PCDHA2: variants seen among roughly 807,000 people sequenced by gnomAD.
The protein encoded by PCDHA2 is protocadherin alpha-2.
Under a neutral mutation model 66.0 loss-of-function variants are expected in PCDHA2, and 58 were observed. That is an observed-to-expected ratio of 0.88 (90% CI 0.71 to 1.09). The LOEUF is 1.09. Ranked by LOEUF, PCDHA2 falls within the 50% of genes least tolerant of loss-of-function variation. PCDHA2 has a pLI of 0.00. For synonymous variants in PCDHA2, 634 were observed against 554.0 expected (o/e 1.14, Z -2.03); for missense variants, 1,267 against 1,242.3 (o/e 1.02, Z -0.30).
chr5:140,997,100 T>G (rs1286807919), intron 3 of PCDHA2, among the ~76,000 whole-genome samples: 1 of 152,170 alleles, frequency 6.6e-6, no homozygotes, highest in Non-Finnish European at 1.5e-5. Flanking sequence ...AGAGTTCTCA[T>G]GCACTCCTGC....
intron 1 of PCDHA2, chr5:140,854,192 T>C: frequency 3.9e-6 from 2 of 506,570 alleles, no homozygotes; most frequent in Non-Finnish European, 5.1e-6. Flanking sequence ...GTTTAACTAC[T>C]CCCTACTTTT....
intron 1 of PCDHA2, chr5:140,823,498 G>T (rs2150126426): frequency 1.2e-6 from 2 of 1,613,304 alleles, no homozygotes; most frequent in Admixed American, 1.7e-5. Context: ...CACCGGCGGC[G>T]CAGTGAGCGA....
At chr5:140,882,174 C>A (rs868925922) in intron 1 of PCDHA2, 1 of 1,514,752 alleles carries the variant, frequency 6.6e-7, no homozygotes, top group Non-Finnish European at 8.8e-7. Flanking sequence ...CGAATCCTTC[C>A]GCACTAGGAA....
At chr5:140,954,938 GT>G (rs2095112203) in intron 1 of PCDHA2, among the ~76,000 whole-genome samples, 1 of 152,078 alleles carries the variant, frequency 6.6e-6, no homozygotes, top group Admixed American at 6.6e-5. Flanking sequence ...TTAATCTTGA[GT>G]TAATTTTTGT....
At chr5:140,969,139 C>T (rs1407003944) in intron 1 of PCDHA2, 5 of 1,614,064 alleles carry the variant, frequency 3.1e-6, no homozygotes, top group Non-Finnish European at 4.2e-6. Context: ...CCAAGACCTA[C>T]TGCTACAAGG....
intron 3 of PCDHA2, among the ~76,000 whole-genome samples, chr5:140,996,427 G>A (rs1479947811): frequency 6.6e-6 from 1 of 152,176 alleles, no homozygotes; most frequent in Non-Finnish European, 1.5e-5. Context: ...GAAAACTTTG[G>A]GAATAGTCAG....
intron 1 of PCDHA2, chr5:140,927,419 G>T (rs781883331): frequency 1.9e-6 from 3 of 1,614,140 alleles, no homozygotes; most frequent in South Asian, 2.2e-5. Flanking sequence ...ATGGGATCGC[G>T]GGTTGACGGC....
Position 141,009,722 on chromosome 5 carries a change from G to T in PCDHA2, c.2632G>T (p.Gly878Cys), listed in dbSNP as rs552954748. 6.8e-6 allele frequency: 11 copies of T among 1,614,022 alleles called. No individual in the cohort carries two copies. The highest frequency in any genetic ancestry group is 9.3e-6 in the Non-Finnish European group (11 of 1,180,046). Residue 878 changes from glycine (G) to cysteine (C), a missense_variant, in exon 4 of 4, where the codon GGT becomes TGT. Gly to Cys is a radical substitution (Grantham distance 159). Transcript: ENST00000526136. ...CGGACCAGGCAACCCCAAACAATCC[G>T]GTCCCGGTGAGTTGCCCGACAAATT... ...KYGPGNPKQS[G>C]PGELPDKFII...
rs1554119499 is a variant in PCDHA2, at chr5:140,795,584, A to G, written c.620A>G (p.Glu207Gly). The stretch of plus-strand genomic sequence containing the variant: ...TCGCTGGACAGAGAGGAAACTGCTG[A>G]GGTTAATTTGTTACTGGTGGCTACT... ...GKSLDREETA[E>G]VNLLLVATDG... Residue 207 changes from glutamate (E) to glycine (G), a missense_variant, in exon 1 of 4, where the codon GAG becomes GGG. Coordinates refer to ENST00000526136, the MANE Select transcript of PCDHA2 (RefSeq NM_018905.3). 2 of 1,614,178 alleles carry G rather than the reference A, an allele frequency of 1.2e-6. No homozygotes were observed. The highest frequency in any genetic ancestry group is 1.7e-6 in the Non-Finnish European group (2 of 1,180,026).
intron 1 of PCDHA2, among the ~76,000 whole-genome samples, chr5:140,941,256 T>TTTCTTTCTTTCTTTCA (rs2092982969): frequency 2.2e-5 from 1 of 45,974 alleles, no homozygotes. Flanking sequence ...TCTTTCTTTC[T>TTTCTTTCTTTCTTTCA]CTTTCTTTCT....
At chr5:140,923,071 C>T (rs1319984584) in intron 1 of PCDHA2, among the ~76,000 whole-genome samples, 2 of 152,202 alleles carry the variant, frequency 1.3e-5, no homozygotes, top group Non-Finnish European at 2.9e-5. Context: ...TAGGTCTCCT[C>T]ATGTCAGCAC....
chr5:140,916,584 G>T (rs1257440146), intron 1 of PCDHA2, among the ~76,000 whole-genome samples: 1 of 152,186 alleles, frequency 6.6e-6, no homozygotes, highest in Non-Finnish European at 1.5e-5. Flanking sequence ...TGTCATCCAT[G>T]AGCTAGGGCC....
intron 1 of PCDHA2, chr5:140,857,128 AGAT>A: frequency 6.3e-7 from 1 of 1,598,286 alleles, no homozygotes; most frequent in South Asian, 1.1e-5. Flanking sequence ...CAGTGAAAGA[AGAT>A]GCTCAAGTGG....
At chr5:140,843,457 G>C (rs2150360487) in intron 1 of PCDHA2, 4 of 1,596,058 alleles carry the variant, frequency 2.5e-6, no homozygotes, top group Admixed American at 1.7e-5. Flanking sequence ...GCCTGCTGGT[G>C]CTCACGCTGC....
In PCDHA2 at chr5:140,796,287, G is replaced by A. The variant is rs1318266342; in HGVS notation, c.1323G>A (p.Val441=). The change falls in exon 1 of 4, where the codon GTG becomes GTA. Residue 441 remains valine (V), a synonymous_variant. Transcript: ENST00000526136. ...CTTCACTGTGGGCCACCACCAGCGTGTCCATCGAGGTGGCCGACGTGAACG... is the reference window on the plus strand; with the variant it reads ...CTTCACTGTGGGCCACCACCAGCGTATCCATCGAGGTGGCCGACGTGAACG... The part of the protein sequence containing the change: ...GSPSLWATTS[V]SIEVADVNDN... 11 of 1,614,024 alleles carry A rather than the reference G, an allele frequency of 6.8e-6. No individual in the cohort carries two copies. Among genetic ancestry groups the A allele is most frequent in the Non-Finnish European group, 9.3e-6 (11 of 1,180,046 alleles).
At position 140,876,890 on chromosome 5, in the gene PCDHA2, A is replaced by G. The variant is rs373414098; in HGVS notation, c.2388+79538A>G. On this transcript the variant is annotated intron_variant, in intron 1 of 3. Coordinates refer to ENST00000526136, the MANE Select transcript of PCDHA2 (RefSeq NM_018905.3). ...AAGGAGAACAACCCGCCGGGCTGCC[A>G]CATCTTCACGGTGTCGGCATGGGAC... The G allele has an allele frequency of 4.0e-5, 65 of 1,613,968 alleles. No individual in the cohort carries two copies. In the African/African-American group the frequency reaches 8.1e-4, roughly 20 times the overall value.
intron 1 of PCDHA2, chr5:140,843,320 G>A (rs782364875): frequency 6.3e-7 from 1 of 1,596,056 alleles, no homozygotes; most frequent in Non-Finnish European, 8.6e-7. Context: ...CACGGTTCTG[G>A]TGTCGCTGGT....
chr5:140,900,734 G>C (rs2068260899), intron 1 of PCDHA2, among the ~76,000 whole-genome samples: 1 of 152,200 alleles, frequency 6.6e-6, no homozygotes, highest in African/African-American at 2.4e-5. Flanking sequence ...CTAGCAGTGG[G>C]ATTTCTGGAT....
intron 1 of PCDHA2, among the ~76,000 whole-genome samples, chr5:140,898,020 AC>A (rs1483113036): frequency 6.6e-6 from 1 of 152,078 alleles, no homozygotes; most frequent in Non-Finnish European, 1.5e-5. Flanking sequence ...TCCTTTGCCC[AC>A]TTTTTGATGG....
Sources: gnomAD v4.1 joint callset for allele counts (sites outside exome capture counted in the v4.1 genomes callset) on GRCh38, gnomAD v4.1.1 for gene constraint, MANE v1.5 for transcripts, NCBI Gene and HGNC (gene_info 2026-07-23, HGNC 2026-07-21) for gene names.